Variants in FANCM observed in about 807,000 individuals in gnomAD.
FANCM encodes the protein Fanconi anemia group M protein.
A neutral mutation model predicts 199.5 loss-of-function variants in FANCM; 140 were observed. That is an observed-to-expected ratio of 0.70 (90% CI 0.61 to 0.81). The LOEUF is 0.81. FANCM is among the 30% of genes least tolerant of loss of function. The probability of loss-of-function intolerance (pLI) is 0.00; values close to 1 mark genes in which losing one functional copy is unlikely to be tolerated. For missense variants in FANCM, 2,410 were observed against 2,421.4 expected, an observed-to-expected ratio of 1.00 and a Z score of 0.10; for synonymous variants, 840 against 836.8, an observed-to-expected ratio of 1.00 and a Z score of -0.07.
At chr14:45,140,975 G>C (rs1397893092) in intron 3 of FANCM, among the ~76,000 whole-genome samples, 1 of 152,070 alleles carries the variant, frequency 6.6e-6, no homozygotes, top group Non-Finnish European at 1.5e-5. Context: ...GGAGATGGAG[G>C]CTGCAGTTAG....
chr14:45,176,509 G>A lies in FANCM; in HGVS notation c.3755G>A (p.Ser1252Asn), dbSNP rs964907605. 2 of 1,604,420 alleles carry A rather than the reference G, an allele frequency of 1.2e-6. No individual in the cohort carries two copies. Among genetic ancestry groups the A allele is most frequent in the Non-Finnish European group, 1.7e-6 (2 of 1,175,252 alleles). ...GAAATATTGGAACATACATCAGATA[G>A]CAATAGACCTCTAGATGATCTATAT... ...DDEILEHTSD[S>N]NRPLDDLYGR... Residue 1252 changes from serine (S) to asparagine (N), a missense_variant, in exon 14 of 23, where the codon AGC (serine) becomes AAC (asparagine). Transcript: ENST00000267430.
At chr14:45,137,388 A>G (rs1366069531) in intron 2 of FANCM, 147 bp downstream of exon 2, 1 of 665,896 alleles carries the variant, frequency 1.5e-6, no homozygotes, top group South Asian at 1.8e-5. Flanking sequence ...GTGATAAAGA[A>G]TATCTGTACT....
chr14:45,167,099 C>A lies in FANCM; in HGVS notation c.1938C>A (p.Val646=). 1 of 1,613,336 alleles carries A rather than the reference C, an allele frequency of 6.2e-7. No individual in the cohort carries two copies. The highest frequency in any genetic ancestry group is 8.5e-7 in the Non-Finnish European group (1 of 1,179,328). Residue 646 remains valine (V), a synonymous_variant, in exon 11 of 23, where the codon GTC becomes GTA. Transcript: ENST00000267430. ...ACAAAATGTTCATCACACATGGTGT[C>A]TATGAACCAGAGAAGCCTTCTCGGA... is the stretch of plus-strand genomic sequence containing the variant. ...KLHKMFITHG[V]YEPEKPSRNL...
intron 4 of FANCM, 127 bp from the exon 5 acceptor site, chr14:45,151,270 A>T: frequency 1.4e-6 from 1 of 740,226 alleles, no homozygotes; most frequent in Non-Finnish European, 2.3e-6. Context: ...TGCTGAGTTT[A>T]CTTAAACATT....
Position 45,199,781 on chromosome 14 carries a change from GCTA to G in FANCM, c.6009-86_6009-84del, listed in dbSNP as rs1890261300. On this transcript the variant is annotated intron_variant, in intron 22 of 22. Transcript: ENST00000267430. ...AATGCTTGAGATGATTTCCTTAAAGGCTACTGTGTTTGGTGTTCTTTAGGTAAT... is the reference window on the plus strand; with the variant it reads ...AATGCTTGAGATGATTTCCTTAAAGGCTGTGTTTGGTGTTCTTTAGGTAAT... 4.4e-6 allele frequency: 5 copies of G among 1,125,108 alleles called. No individual in the cohort carries two copies. In the African/African-American group the frequency reaches 7.7e-5, roughly 17 times the overall value. The allele number at this position is 1,125,108 out of a possible 1,614,324, so 69.7% of individuals were successfully genotyped here.
At chr14:45,151,183 A>G (rs1314548569) in intron 4 of FANCM, among the ~76,000 whole-genome samples, 1 of 152,246 alleles carries the variant, frequency 6.6e-6, no homozygotes, top group Non-Finnish European at 1.5e-5. Context: ...TTACAGTTGT[A>G]TATAATAATT....
chr14:45,173,927 T>A (rs1382713478), intron 13 of FANCM, among the ~76,000 whole-genome samples: 4 of 152,174 alleles, frequency 2.6e-5, no homozygotes, highest in Non-Finnish European at 4.4e-5. Flanking sequence ...ATGTGTGCAA[T>A]CAAATTAACA....
chr14:45,187,314 TA>T (rs77519169), intron 18 of FANCM, among the ~76,000 whole-genome samples: 2 of 150,454 alleles, frequency 1.3e-5, no homozygotes, highest in East Asian at 3.9e-4. Flanking sequence ...ATGCTAGCCA[TA>T]AAAAAAAACC....
chr14:45,181,397 T>C (rs934907713), intron 14 of FANCM, 33 bp from the exon 15 acceptor site: 8 of 1,156,054 alleles, frequency 6.9e-6, no homozygotes, highest in Non-Finnish European at 1.0e-5. Context: ...CTAAATCTAT[T>C]AACCATTCAT....
At position 45,188,906 on chromosome 14, in the gene FANCM, C is replaced by A. The variant is rs1594814788; in HGVS notation, c.4884C>A (p.Asn1628Lys). Residue 1628 changes from asparagine to lysine, a missense_variant, in exon 20 of 23, where the codon AAC becomes AAA. By Grantham distance (94) the Asn-to-Lys change is moderately conservative. Coordinates refer to ENST00000267430, the MANE Select transcript of FANCM (RefSeq NM_020937.4). Reference protein sequence around the residue: ...SSEEEVCVDFNLITDDCFANS... With the variant: ...SSEEEVCVDFKLITDDCFANS... Reference sequence around the variant, plus strand: ...AAGAAGAAGTTTGTGTTGATTTTAACTTAATAACTGATGATTGCTTTGCAA... The same window carrying A: ...AAGAAGAAGTTTGTGTTGATTTTAAATTAATAACTGATGATTGCTTTGCAA... 1.9e-6 allele frequency: 3 copies of A among 1,613,770 alleles called. No individual in the cohort carries two copies. The highest frequency in any genetic ancestry group is 2.5e-6 in the Non-Finnish European group (3 of 1,179,836).
At chr14:45,189,455 G>A (rs1265695265) in intron 20 of FANCM, 93 bp downstream of exon 20, 4 of 1,027,912 alleles carry the variant, frequency 3.9e-6, no homozygotes, top group Non-Finnish European at 5.8e-6. Flanking sequence ...AAATAACTAG[G>A]TCAAAGAAAA....
At chr14:45,147,775 C>T (rs748976571) in intron 3 of FANCM, among the ~76,000 whole-genome samples, 8 of 151,726 alleles carry the variant, frequency 5.3e-5, no homozygotes, top group Non-Finnish European at 1.0e-4. Context: ...TGCCTGTAGT[C>T]CCAGCTATTC....
chr14:45,197,825 G>A lies in FANCM; in HGVS notation c.5717-819G>A, dbSNP rs1237068816. The stretch of plus-strand genomic sequence containing the variant: ...GTCGCCCAGGCTGGAGTGCAGTGGC[G>A]CAATCTCGGCTCACTGCAACCTCCG... On this transcript the variant is annotated intron_variant, in intron 21 of 22. Transcript: ENST00000267430. 1.9e-4 allele frequency among the ~76,000 whole-genome samples: 27 copies of A among 140,054 alleles called. No individual in the cohort carries two copies. The Admixed American group carries it at 1.9e-3, about 10-fold the overall frequency. The allele number at this position is 140,054 out of a possible 152,430, so 91.9% of individuals were successfully genotyped here.
intron 4 of FANCM, among the ~76,000 whole-genome samples, chr14:45,150,106 G>A (rs1027178459): frequency 1.3e-5 from 2 of 152,154 alleles, no homozygotes; most frequent in South Asian, 2.1e-4. Context: ...CATTGCCATG[G>A]ATTAAAGATG....
intron 17 of FANCM, among the ~76,000 whole-genome samples, chr14:45,184,431 C>T (rs1200457524): frequency 6.6e-6 from 1 of 151,828 alleles, no homozygotes; most frequent in African/African-American, 2.4e-5. Flanking sequence ...GGAGGCTGAG[C>T]CAGGTGGATC....
intron 14 of FANCM, 54 bp downstream of exon 14, chr14:45,177,030 A>T (rs1306859194): frequency 8.5e-7 from 1 of 1,177,840 alleles, no homozygotes; most frequent in African/African-American, 1.5e-5. Flanking sequence ...ATTACTCTAG[A>T]AATACTTTGG....
In FANCM at chr14:45,175,220, T is replaced by A. The variant is rs762631488; in HGVS notation, c.2466T>A (p.Asn822Lys). 10 of 1,612,038 alleles carry A rather than the reference T, an allele frequency of 6.2e-6. No individual in the cohort carries two copies. The South Asian group carries it at 1.1e-4, about 18-fold the overall frequency. The part of the protein sequence containing the change: ...HKKSSFIKNI[N>K]QGSSSSVIES... ...AATCGTCATTTATAAAGAACATAAATCAAGGCAGTTCATCCTCAGTGATAG... is the reference window on the plus strand; with the variant it reads ...AATCGTCATTTATAAAGAACATAAAACAAGGCAGTTCATCCTCAGTGATAG... The change falls in exon 14 of 23, where the codon AAT becomes AAA. Residue 822 changes from asparagine (N) to lysine (K), a missense_variant. Physicochemically the swap from Asn to Lys is moderately conservative, Grantham distance 94. Coordinates refer to ENST00000267430, the MANE Select transcript of FANCM (RefSeq NM_020937.4).
At chr14:45,187,433 A>AT (rs1017530257) in intron 18 of FANCM, among the ~76,000 whole-genome samples, 23 of 151,476 alleles carry the variant, frequency 1.5e-4, no homozygotes, top group African/African-American at 4.4e-4. Flanking sequence ...TAGATTTCTT[A>AT]TTTTTTTTGA....
intron 8 of FANCM, among the ~76,000 whole-genome samples, chr14:45,156,537 A>G (rs1392510083): frequency 6.6e-6 from 1 of 152,156 alleles, no homozygotes; most frequent in East Asian, 1.9e-4. Flanking sequence ...ATAGTGGTCA[A>G]GGTGCTGGGA....
Sources: allele counts gnomAD v4.1 joint callset (sites outside exome capture counted in the v4.1 genomes callset), GRCh38; gene constraint gnomAD v4.1.1; transcripts MANE v1.5; gene names NCBI Gene and HGNC (gene_info 2026-07-23, HGNC 2026-07-21).